NSG1: variants seen among roughly 807,000 people sequenced by gnomAD.
The protein encoded by NSG1 is neuronal vesicle trafficking associated 1.
NSG1 carries 9 observed loss-of-function variants against 19.3 expected under a neutral mutation model. That is an observed-to-expected ratio of 0.47 (90% confidence interval 0.28 to 0.81). The LOEUF is 0.81. Among genes scored for constraint, NSG1 ranks in the 40% least tolerant of loss-of-function variants. NSG1 has a pLI of 0.11. For missense variants in NSG1, 236 were observed against 242.4 expected, an observed-to-expected ratio of 0.97 and a Z score of 0.18; for synonymous variants, 104 against 107.0, an observed-to-expected ratio of 0.97 and a Z score of 0.17.
chr4:4,405,917 A>T (rs1246019242), intron 3 of NSG1, among the ~76,000 whole-genome samples: 2 of 152,114 alleles, frequency 1.3e-5, no homozygotes, highest in Non-Finnish European at 2.9e-5. Flanking sequence ...CCTGCAGGAG[A>T]GAATGGGGGT....
chr4:4,387,718 C>T lies in NSG1; in HGVS notation c.89C>T (p.Pro30Leu). 1 of 1,613,100 alleles carries T rather than the reference C, an allele frequency of 6.2e-7. No individual in the cohort carries two copies. The highest frequency in any genetic ancestry group is 8.5e-7 in the Non-Finnish European group (1 of 1,179,210). ...DGFDTIPLMT[P>L]LDVNQLQFPP... is the part of the protein sequence containing the mutation. ...TTCGACACCATTCCCCTGATGACGC[C>T]CCTCGATGTCAATCAGCTGCAGTTC... is the stretch of plus-strand genomic sequence containing the variant. Residue 30 changes from proline to leucine, a missense_variant, in exon 2 of 5, where the codon CCC becomes CTC. By Grantham distance (98) the Pro-to-Leu change is moderately conservative (BLOSUM62 -3). Transcript: ENST00000621129.
At chr4:4,417,017 C>T (rs1394791764) in intron 4 of NSG1, among the ~76,000 whole-genome samples, 1 of 152,160 alleles carries the variant, frequency 6.6e-6, no homozygotes, top group Admixed American at 6.5e-5. Context: ...TGCCCATCTG[C>T]CATGGCACTC....
At chr4:4,409,506 TGCGG>T in intron 3 of NSG1, 63 bp from the exon 4 acceptor site, 2 of 1,170,062 alleles carry the variant, frequency 1.7e-6, no homozygotes, top group Non-Finnish European at 1.3e-6. Context: ...GGCCTTCGTG[TGCGG>T]GTGTGTGTGT....
At chr4:4,397,410 C>G (rs74351177) in intron 3 of NSG1, among the ~76,000 whole-genome samples, 2 of 152,342 alleles carry the variant, frequency 1.3e-5, no homozygotes, top group African/African-American at 4.8e-5. Flanking sequence ...GACCCAAGGT[C>G]ACCCAGCTAA....
intron 4 of NSG1, among the ~76,000 whole-genome samples, chr4:4,410,955 TCAAG>T (rs1451469857): frequency 6.6e-6 from 1 of 152,176 alleles, no homozygotes; most frequent in Non-Finnish European, 1.5e-5. Context: ...CCTCCCGGGT[TCAAG>T]CGATTCTTCT....
At chr4:4,400,921 G>A (rs73084367) in intron 3 of NSG1, among the ~76,000 whole-genome samples, 210 of 152,330 alleles carry the variant, frequency 1.4e-3, no homozygotes, top group African/African-American at 4.9e-3. Flanking sequence ...TTCCTTGCAA[G>A]TCTATGTATT....
rs1724650802 is a variant in NSG1 at position 4,417,616 on chromosome 4, A to G, written c.*181A>G. 1 of 619,376 alleles carries G rather than the reference A, an allele frequency of 1.6e-6. No individual in the cohort carries two copies. The highest frequency in any genetic ancestry group is 1.8e-5 in the African/African-American group (1 of 54,180). 38.4% of individuals were successfully genotyped at this position (619,376 alleles called of 1,614,324 possible). On this transcript the variant is annotated 3_prime_UTR_variant, in exon 5 of 5. Transcript: ENST00000621129. ...GCCGACCACCCACGGGCATAAAATC[A>G]AGTGCATTTCAGCATTGCCTAAAGA... is the stretch of plus-strand genomic sequence containing the variant.
At chr4:4,394,210 C>T (rs1723133457) in intron 3 of NSG1, among the ~76,000 whole-genome samples, 1 of 152,172 alleles carries the variant, frequency 6.6e-6, no homozygotes, top group African/African-American at 2.4e-5. Context: ...CCCCAGGCGC[C>T]ATCGCTGTTG....
intron 3 of NSG1, among the ~76,000 whole-genome samples, chr4:4,404,491 G>A (rs1431066068): frequency 6.8e-6 from 1 of 147,222 alleles, no homozygotes; most frequent in African/African-American, 2.7e-5. Flanking sequence ...CCAGGAACCC[G>A]GGCTTATCTC....
At chr4:4,417,101 C>T in intron 4 of NSG1, 134 bp from the exon 5 acceptor site, 1 of 711,894 alleles carries the variant, frequency 1.4e-6, no homozygotes, top group Non-Finnish European at 2.5e-6. Flanking sequence ...AGATCCATGC[C>T]CGTTTTTGCT....
rs777664061 is a variant in NSG1, at chr4:4,417,548, A to G, written c.*113A>G. 2.8e-4 allele frequency: 296 copies of G among 1,073,582 alleles called. 1 individual carries two copies. Among genetic ancestry groups the G allele is most frequent in the Non-Finnish European group, 3.7e-4 (276 of 741,934 alleles). 66.5% of individuals were successfully genotyped at this position (1,073,582 alleles called of 1,614,324 possible). Reference sequence around the variant, plus strand: ...TTAGAGGTTACTCATTTACGGTGCAATTGCTTCTGTTTGCTAATGCTGCTT... The same window carrying G: ...TTAGAGGTTACTCATTTACGGTGCAGTTGCTTCTGTTTGCTAATGCTGCTT... On this transcript the variant is annotated 3_prime_UTR_variant, in exon 5 of 5. Transcript: ENST00000621129.
intron 4 of NSG1, among the ~76,000 whole-genome samples, chr4:4,410,061 C>T (rs1282744404): frequency 2.6e-5 from 4 of 152,154 alleles, no homozygotes; most frequent in Non-Finnish European, 5.9e-5. Context: ...CCATGTCCGC[C>T]ACATGAAAGA....
At chr4:4,388,035 C>A (rs1015913113) in intron 2 of NSG1, among the ~76,000 whole-genome samples, 2 of 152,246 alleles carry the variant, frequency 1.3e-5, no homozygotes, top group African/African-American at 4.8e-5. Flanking sequence ...GGAGCCTCAT[C>A]CGAGAGGGCC....
At chr4:4,415,561 C>T (rs1052353837) in intron 4 of NSG1, among the ~76,000 whole-genome samples, 1 of 152,040 alleles carries the variant, frequency 6.6e-6, no homozygotes, top group Non-Finnish European at 1.5e-5. Context: ...CCCTGGGGTG[C>T]TCGCCACCAT....
chr4:4,411,183 ACT>A (rs1430804539), intron 4 of NSG1, among the ~76,000 whole-genome samples: 1 of 152,072 alleles, frequency 6.6e-6, no homozygotes, highest in African/African-American at 2.4e-5. Context: ...TAAGTTTTTG[ACT>A]CTTTTGTAAT....
At chr4:4,403,973 C>T (rs1478144317) in intron 3 of NSG1, among the ~76,000 whole-genome samples, 3 of 152,196 alleles carry the variant, frequency 2.0e-5, no homozygotes, top group Admixed American at 1.3e-4. Context: ...AGGCTACATG[C>T]GGGAGGCATC....
At chr4:4,412,498 C>A (rs1724265076) in intron 4 of NSG1, among the ~76,000 whole-genome samples, 1 of 151,776 alleles carries the variant, frequency 6.6e-6, no homozygotes. Flanking sequence ...GAGGGGGTGT[C>A]CTTTCCGGAG....
At chr4:4,396,217 G>T (rs527723734) in intron 3 of NSG1, among the ~76,000 whole-genome samples, 1 of 152,316 alleles carries the variant, frequency 6.6e-6, no homozygotes, top group Non-Finnish European at 1.5e-5. Flanking sequence ...CAGAGTGGCG[G>T]GTCGGGGCTG....
chr4:4,413,650 G>A (rs1023861555), intron 4 of NSG1, among the ~76,000 whole-genome samples: 6 of 151,646 alleles, frequency 4.0e-5, no homozygotes, highest in Non-Finnish European at 8.8e-5. Flanking sequence ...ACAGGGAGGC[G>A]GCAGAGGATG....
Sources: allele counts gnomAD v4.1 joint callset (sites outside exome capture counted in the v4.1 genomes callset), GRCh38; gene constraint gnomAD v4.1.1; transcripts MANE v1.5; gene names NCBI Gene and HGNC (gene_info 2026-07-23, HGNC 2026-07-21).